Variants in AK5 observed in about 807,000 individuals in gnomAD.
AK5 encodes adenylate kinase isoenzyme 5.
Under a neutral mutation model 69.5 loss-of-function variants are expected in AK5, and 27 were observed. That is an observed-to-expected ratio of 0.39 (90% CI 0.29 to 0.54). The LOEUF (loss-of-function observed/expected upper bound fraction) is 0.54. AK5 is among the 20% of genes least tolerant of loss of function. The probability of loss-of-function intolerance (pLI) is 0.71; values close to 1 mark genes in which losing one functional copy is unlikely to be tolerated. For missense variants in AK5, 531 were observed against 700.4 expected (o/e 0.76, Z 2.73); for synonymous variants, 260 against 244.4 (o/e 1.06, Z -0.60).
intron 5 of AK5, among the ~76,000 whole-genome samples, chr1:77,301,795 T>C (rs1186401389): frequency 2.0e-5 from 3 of 152,200 alleles, no homozygotes; most frequent in Non-Finnish European, 4.4e-5. Context: ...AAAGGAAAGT[T>C]TGAGAATATA....
intron 2 of AK5, among the ~76,000 whole-genome samples, chr1:77,291,147 G>A (rs1658663726): frequency 1.3e-5 from 2 of 152,164 alleles, no homozygotes; most frequent in South Asian, 4.1e-4. Context: ...AGGAATGAGA[G>A]AAGTCCAATA....
At chr1:77,358,265 T>C (rs1055684376) in intron 6 of AK5, among the ~76,000 whole-genome samples, 2 of 152,138 alleles carry the variant, frequency 1.3e-5, no homozygotes, top group African/African-American at 4.8e-5. Context: ...AACTTAAAAT[T>C]ATTCACAAGC....
rs1246698046 is a variant in AK5, at chr1:77,459,705, A to G, written c.1060-23612A>G. ...ATTAAGCATTATCTTGTTCACCTCT[A>G]TACCCCAGCAGCTATCATAGTATCT... On this transcript the variant is annotated intron_variant, in intron 8 of 13. Coordinates refer to ENST00000354567, the MANE Select transcript of AK5 (RefSeq NM_174858.3). 2.0e-5 allele frequency among the ~76,000 whole-genome samples: 3 copies of G among 152,180 alleles called. No homozygotes were observed. In the East Asian group the frequency reaches 5.8e-4, roughly 29 times the overall value.
intron 8 of AK5, among the ~76,000 whole-genome samples, chr1:77,450,201 G>A (rs1166398431): frequency 6.6e-6 from 1 of 152,174 alleles, no homozygotes; most frequent in African/African-American, 2.4e-5. Flanking sequence ...TTTTGTTAAA[G>A]CCATTCAACA....
chr1:77,552,106 A>G (rs1659850777), intron 13 of AK5, among the ~76,000 whole-genome samples: 1 of 152,196 alleles, frequency 6.6e-6, no homozygotes, highest in Non-Finnish European at 1.5e-5. Flanking sequence ...TGGGGTGCTC[A>G]TCCTCCATCA....
intron 5 of AK5, among the ~76,000 whole-genome samples, chr1:77,333,002 T>C (rs1312954371): frequency 6.6e-6 from 1 of 151,894 alleles, no homozygotes; most frequent in Admixed American, 6.6e-5. Flanking sequence ...AAATTAAAAG[T>C]TATTGTTTCT....
At position 77,325,270 on chromosome 1, in the gene AK5, G is replaced by A. The variant is rs543399160; in HGVS notation, c.700-15107G>A. Among the ~76,000 whole-genome samples the A allele has an allele frequency of 9.9e-5, 15 of 151,678 alleles. No individual in the cohort carries two copies. The South Asian group carries it at 2.9e-3, about 29-fold the overall frequency. On this transcript the variant is annotated intron_variant, in intron 5 of 13. Coordinates refer to ENST00000354567, the MANE Select transcript of AK5 (RefSeq NM_174858.3). ...TCCGCCCACCTCGGCCTCCCAAAGTGTTGGGATTACAGGCATAAGCCAATG... is the reference window on the plus strand; with the variant it reads ...TCCGCCCACCTCGGCCTCCCAAAGTATTGGGATTACAGGCATAAGCCAATG...
At chr1:77,538,372 A>C (rs949499878) in intron 13 of AK5, among the ~76,000 whole-genome samples, 6 of 151,242 alleles carry the variant, frequency 4.0e-5, no homozygotes, top group Admixed American at 6.6e-5. Flanking sequence ...AAAAAAAAAA[A>C]CATAAACAAA....
chr1:77,519,273 A>C (rs1157187632), intron 11 of AK5, among the ~76,000 whole-genome samples: 1 of 152,140 alleles, frequency 6.6e-6, no homozygotes, highest in African/African-American at 2.4e-5. Context: ...TAGGCTCTGT[A>C]ATGAGGGCCG....
rs754332404 is a variant in AK5, at chr1:77,293,797, G to C, written c.252G>C (p.Met84Ile). 3.8e-6 allele frequency: 6 copies of C among 1,599,680 alleles called. No homozygotes were observed. In the South Asian group the frequency reaches 6.8e-5, roughly 18 times the overall value. The part of the protein sequence containing the change: ...QSRRSFLRNV[M>I]PENSNFPYRR... ...AGTTATCTTACTCTTTTGCAGTAAT[G>C]CCTGAAAACTCAAACTTTCCATATC... The change falls in exon 3 of 14, where the codon ATG becomes ATC. Residue 84 changes from methionine (M) to isoleucine (I), a missense_variant. Met to Ile is a conservative substitution (Grantham distance 10, BLOSUM62 1). Coordinates refer to ENST00000354567, the MANE Select transcript of AK5 (RefSeq NM_174858.3).
At chr1:77,304,204 T>A (rs1659502598) in intron 5 of AK5, among the ~76,000 whole-genome samples, 1 of 152,132 alleles carries the variant, frequency 6.6e-6, no homozygotes, top group Non-Finnish European at 1.5e-5. Flanking sequence ...AACCATCCTT[T>A]TACTGTCTAT....
chr1:77,508,595 G>A (rs1214005155), intron 10 of AK5, among the ~76,000 whole-genome samples: 8 of 152,146 alleles, frequency 5.3e-5, no homozygotes, highest in Non-Finnish European at 1.2e-4. Flanking sequence ...GGCTGGGCAC[G>A]GTGGCTCTCA....
intron 2 of AK5, among the ~76,000 whole-genome samples, chr1:77,288,257 C>G (rs936566919): frequency 1.3e-5 from 2 of 152,106 alleles, no homozygotes; most frequent in African/African-American, 4.8e-5. Flanking sequence ...ATGAGCCAAC[C>G]AGCCTTTCAG....
chr1:77,554,868 G>A (rs906072466), intron 13 of AK5, among the ~76,000 whole-genome samples: 5 of 149,648 alleles, frequency 3.3e-5, no homozygotes, highest in Admixed American at 1.3e-4. Flanking sequence ...CACCCGCCTT[G>A]GCCTCCCAAA....
intron 6 of AK5, among the ~76,000 whole-genome samples, chr1:77,363,676 C>T (rs1443335262): frequency 6.6e-6 from 1 of 152,140 alleles, no homozygotes; most frequent in African/African-American, 2.4e-5. Flanking sequence ...AGGCCCCATG[C>T]ACAATTCCAC....
chr1:77,550,019 A>G (rs1055270710), intron 13 of AK5, among the ~76,000 whole-genome samples: 8 of 151,932 alleles, frequency 5.3e-5, no homozygotes, highest in African/African-American at 1.7e-4. Context: ...TGAGTGCAGT[A>G]GCTCCATCAC....
intron 3 of AK5, among the ~76,000 whole-genome samples, chr1:77,296,905 C>G (rs1659036699): frequency 1.3e-5 from 2 of 152,100 alleles, no homozygotes; most frequent in African/African-American, 4.8e-5. Flanking sequence ...GCTTTTTACA[C>G]AGTGTGTGTT....
chr1:77,335,381 TG>T (rs34814131), intron 5 of AK5, among the ~76,000 whole-genome samples: 20,876 of 91,868 alleles, frequency 0.23, 1,866 homozygotes, highest in East Asian at 0.32. Context: ...CTCAGTTTTT[TG>T]GGTTTTTTTT....
chr1:77,463,465 T>C (rs991866820), intron 8 of AK5, among the ~76,000 whole-genome samples: 9 of 151,938 alleles, frequency 5.9e-5, no homozygotes, highest in African/African-American at 2.2e-4. Flanking sequence ...CTTTCAAAAA[T>C]CTCAGTCTCT....
Sources: gnomAD v4.1 joint callset for allele counts (sites outside exome capture counted in the v4.1 genomes callset) on GRCh38, gnomAD v4.1.1 for gene constraint, MANE v1.5 for transcripts, NCBI Gene and HGNC (gene_info 2026-07-23, HGNC 2026-07-21) for gene names.